NPAS3: variants seen among roughly 807,000 people sequenced by gnomAD.
NPAS3 encodes the protein neuronal PAS domain protein 3, also known as neuronal PAS domain-containing protein 3.
Under a neutral mutation model 73.1 loss-of-function variants are expected in NPAS3, and 14 were observed. The ratio of observed to expected loss-of-function variants is 0.19; its 90% CI spans 0.13 to 0.30. The LOEUF (loss-of-function observed/expected upper bound fraction) is 0.30. Among genes scored for constraint, NPAS3 ranks in the 10% least tolerant of loss-of-function variants. NPAS3 has a pLI of 1.00. For synonymous variants in NPAS3, 620 were observed against 541.5 expected, an observed-to-expected ratio of 1.14 and a Z score of -2.01; for missense variants, 1,096 against 1,250.0, an observed-to-expected ratio of 0.88 and a Z score of 1.86.
chr14:33,442,504 T>G (rs1223765302), intron 4 of NPAS3, among the ~76,000 whole-genome samples: 1 of 152,154 alleles, frequency 6.6e-6, no homozygotes, highest in Non-Finnish European at 1.5e-5. Context: ...GTTCCCATAA[T>G]CCGCATGTGT....
At position 32,983,527 on chromosome 14, in the gene NPAS3, C is replaced by T. The variant is rs375455977; in HGVS notation, c.50+44161C>T. The stretch of plus-strand genomic sequence containing the variant: ...AACAATAATATTAAGTGCAAAATTT[C>T]CCTTTATAGATGAAAAAATAATATA... On this transcript the variant is annotated intron_variant, in intron 1 of 11. Coordinates refer to ENST00000356141, the Ensembl canonical transcript of NPAS3. Among the ~76,000 whole-genome samples the T allele has an allele frequency of 1.4e-4, 21 of 152,062 alleles. No individual in the cohort carries two copies. In the East Asian group the frequency reaches 1.5e-3, roughly 11 times the overall value.
chr14:33,128,577 G>A (rs1301165356), intron 2 of NPAS3, among the ~76,000 whole-genome samples: 1 of 152,144 alleles, frequency 6.6e-6, no homozygotes, highest in Non-Finnish European at 1.5e-5. Flanking sequence ...TAAAAGTAGT[G>A]AGTGGCTGGA....
chr14:33,772,540 C>T (rs994518992), intron 7 of NPAS3, among the ~76,000 whole-genome samples: 1 of 152,204 alleles, frequency 6.6e-6, no homozygotes, highest in Non-Finnish European at 1.5e-5. Flanking sequence ...CATATCATTT[C>T]TGGATGTGTG....
chr14:33,512,452 G>A (rs1483089690), intron 4 of NPAS3, among the ~76,000 whole-genome samples: 3 of 151,994 alleles, frequency 2.0e-5, no homozygotes, highest in Admixed American at 2.0e-4. Flanking sequence ...TTTTACTTTA[G>A]ACAGCTACTT....
intron 3 of NPAS3, among the ~76,000 whole-genome samples, chr14:33,313,219 T>A (rs2043075815): frequency 1.3e-5 from 2 of 152,060 alleles, no homozygotes; most frequent in South Asian, 4.1e-4. Context: ...AAATAGTCAT[T>A]CTCATCAGAT....
rs114407199 is a variant in NPAS3 at position 33,546,906 on chromosome 14, C to A, written c.469-13215C>A. Among the ~76,000 whole-genome samples, 270 of 152,226 alleles carry A rather than the reference C, an allele frequency of 1.8e-3. 2 individuals carry two copies. The highest frequency in any genetic ancestry group is 6.3e-3 in the African/African-American group (263 of 41,532). On this transcript the variant is annotated intron_variant, in intron 4 of 11. Coordinates refer to ENST00000356141, the Ensembl canonical transcript of NPAS3. ...AGTACATTAGGCCTGCCTTGTGGGT[C>A]ATGTCTGTGTGCTGTTTAGGAAAAG...
rs374283971 is a variant in NPAS3 at position 33,799,725 on chromosome 14, C to A, written c.1427-9C>A. On this transcript the variant is annotated splice_polypyrimidine_tract_variant and intron_variant, in intron 11 of 11. Coordinates refer to ENST00000356141, the Ensembl canonical transcript of NPAS3. The stretch of plus-strand genomic sequence containing the variant: ...GCCCCCGCCACCGCCGGCCCCCCGC[C>A]CCACACAGAGGACAACGAGAACTCC... 1 of 1,558,200 alleles carries A rather than the reference C, an allele frequency of 6.4e-7. No individual in the cohort carries two copies. The highest frequency in any genetic ancestry group is 2.4e-5 in the East Asian group (1 of 41,274).
chr14:33,379,105 G>A (rs1338850532), intron 4 of NPAS3, among the ~76,000 whole-genome samples: 1 of 152,090 alleles, frequency 6.6e-6, no homozygotes, highest in African/African-American at 2.4e-5. Flanking sequence ...CAGGTTGTAA[G>A]TATAAGGTAT....
rs1020627492 is a variant in NPAS3 at position 33,236,615 on chromosome 14, G to C, written c.385+21189G>C. Among the ~76,000 whole-genome samples, 18 of 152,216 alleles carry C rather than the reference G, an allele frequency of 1.2e-4. No individual in the cohort carries two copies. In the East Asian group the frequency reaches 3.5e-3, roughly 29 times the overall value. ...CAACCCTAGCCTGGAGGATGTTAGTGCATTTTCTCAAGGCAGAGATGCCCT... is the reference window on the plus strand; with the variant it reads ...CAACCCTAGCCTGGAGGATGTTAGTCCATTTTCTCAAGGCAGAGATGCCCT... On this transcript the variant is annotated intron_variant, in intron 3 of 11. Transcript: ENST00000356141.
intron 5 of NPAS3, among the ~76,000 whole-genome samples, chr14:33,586,801 G>A (rs2056876998): frequency 6.6e-6 from 1 of 152,178 alleles, no homozygotes; most frequent in Non-Finnish European, 1.5e-5. Flanking sequence ...ATTAGGAAGA[G>A]GAGACAATGC....
At chr14:33,010,674 G>A (rs111427104) in intron 1 of NPAS3, among the ~76,000 whole-genome samples, 23 of 152,238 alleles carry the variant, frequency 1.5e-4, no homozygotes, top group African/African-American at 5.3e-4. Flanking sequence ...GAAGTAGGCT[G>A]GGCATAGTGG....
intron 1 of NPAS3, among the ~76,000 whole-genome samples, chr14:33,051,378 A>C (rs1267974693): frequency 6.6e-6 from 1 of 151,922 alleles, no homozygotes; most frequent in Admixed American, 6.6e-5. Context: ...CTGATTATAG[A>C]GCTTGTACTC....
chr14:33,560,283 A>G (rs768623250), intron 5 of NPAS3, 73 bp downstream of exon 5: 33 of 736,770 alleles, frequency 4.5e-5, no homozygotes, highest in Non-Finnish European at 7.4e-5. Flanking sequence ...TCCTTCTTCA[A>G]GGAATATTCT....
At chr14:33,476,078 A>G (rs1239300321) in intron 4 of NPAS3, among the ~76,000 whole-genome samples, 1 of 152,154 alleles carries the variant, frequency 6.6e-6, no homozygotes, top group Non-Finnish European at 1.5e-5. Context: ...TGCAAACATA[A>G]CGATGGTTTT....
chr14:33,237,152 T>C (rs2048061772), intron 3 of NPAS3, among the ~76,000 whole-genome samples: 1 of 152,128 alleles, frequency 6.6e-6, no homozygotes, highest in Admixed American at 6.6e-5. Flanking sequence ...TATGTGTTCA[T>C]TGAATCTTTA....
At chr14:33,033,700 C>G (rs913207577) in intron 1 of NPAS3, among the ~76,000 whole-genome samples, 8 of 152,132 alleles carry the variant, frequency 5.3e-5, no homozygotes, top group Admixed American at 2.0e-4. Context: ...ATGATACCTT[C>G]CATATTTGCA....
At chr14:33,736,593 TG>T (rs1448925220) in intron 7 of NPAS3, among the ~76,000 whole-genome samples, 3 of 151,906 alleles carry the variant, frequency 2.0e-5, no homozygotes, top group Admixed American at 6.5e-5. Context: ...TAGCTAACTA[TG>T]TAGCCTTAGC....
chr14:33,770,863 G>A (rs568780868), intron 7 of NPAS3, among the ~76,000 whole-genome samples: 91 of 152,254 alleles, frequency 6.0e-4, no homozygotes, highest in Admixed American at 1.7e-3. Context: ...TCACACCACC[G>A]CACTCCAGCC....
At chr14:33,203,837 C>T (rs2046716722) in intron 2 of NPAS3, among the ~76,000 whole-genome samples, 1 of 152,084 alleles carries the variant, frequency 6.6e-6, no homozygotes, top group Non-Finnish European at 1.5e-5. Flanking sequence ...GGTATATAAC[C>T]AGTAATGGGA....
Sources: gnomAD v4.1 joint callset for allele counts (sites outside exome capture counted in the v4.1 genomes callset) on GRCh38, gnomAD v4.1.1 for gene constraint, MANE v1.5 for transcripts, NCBI Gene and HGNC (gene_info 2026-07-23, HGNC 2026-07-21) for gene names.